Variants in NPAS3 observed in about 807,000 individuals in gnomAD.
The protein encoded by NPAS3 is neuronal PAS domain protein 3.
NPAS3 carries 14 observed loss-of-function variants against 73.1 expected under a neutral mutation model. The ratio of observed to expected loss-of-function variants is 0.19; its 90% CI spans 0.13 to 0.30. The LOEUF (loss-of-function observed/expected upper bound fraction) is 0.30. Ranked by LOEUF, NPAS3 falls within the 10% of genes least tolerant of loss-of-function variation. The probability of loss-of-function intolerance (pLI) is 1.00; values close to 1 mark genes in which losing one functional copy is unlikely to be tolerated. For synonymous variants in NPAS3, 620 were observed against 541.5 expected, an observed-to-expected ratio of 1.14 and a Z score of -2.01; for missense variants, 1,096 against 1,250.0, an observed-to-expected ratio of 0.88 and a Z score of 1.86.
intron 2 of NPAS3, among the ~76,000 whole-genome samples, chr14:33,186,818 A>G (rs544543040): frequency 2.0e-5 from 3 of 152,132 alleles, no homozygotes; most frequent in Non-Finnish European, 4.4e-5. Flanking sequence ...AGTGTTTCCC[A>G]GCTAGGGATG....
At chr14:33,041,599 C>T (rs1016783186) in intron 1 of NPAS3, among the ~76,000 whole-genome samples, 6 of 152,086 alleles carry the variant, frequency 3.9e-5, no homozygotes, top group Admixed American at 2.6e-4. Flanking sequence ...ATACTGTTAC[C>T]GAAACACTAG....
At chr14:33,459,052 G>T (rs886624881) in intron 4 of NPAS3, among the ~76,000 whole-genome samples, 2 of 152,216 alleles carry the variant, frequency 1.3e-5, no homozygotes, top group Admixed American at 1.3e-4. Flanking sequence ...GATTATTCAT[G>T]CCTTCCCTTT....
intron 4 of NPAS3, among the ~76,000 whole-genome samples, chr14:33,512,863 T>C (rs1260231594): frequency 6.6e-6 from 1 of 152,090 alleles, no homozygotes; most frequent in Non-Finnish European, 1.5e-5. Context: ...TACACTTCAG[T>C]GACTTTTATA....
At chr14:32,981,187 A>T (rs1308249623) in intron 1 of NPAS3, among the ~76,000 whole-genome samples, 1 of 152,184 alleles carries the variant, frequency 6.6e-6, no homozygotes, top group Non-Finnish European at 1.5e-5. Context: ...TCCCTCTTGG[A>T]TGTCACTATG....
At position 33,527,681 on chromosome 14, in the gene NPAS3, G is replaced by A. The variant is rs188745427; in HGVS notation, c.469-32440G>A. Reference sequence around the variant, plus strand: ...AGTATTAATAGAAAGAATGGATCCCGCAGAAATCTGCTTTCCCACTGGTTG... The same window carrying A: ...AGTATTAATAGAAAGAATGGATCCCACAGAAATCTGCTTTCCCACTGGTTG... On this transcript the variant is annotated intron_variant, in intron 4 of 11. Coordinates refer to ENST00000356141, the Ensembl canonical transcript of NPAS3. Among the ~76,000 whole-genome samples, 8 of 152,246 alleles carry A rather than the reference G, an allele frequency of 5.3e-5. No homozygotes were observed. In the East Asian group the frequency reaches 1.2e-3, roughly 22 times the overall value.
chr14:33,029,149 G>A (rs2039905893), intron 1 of NPAS3, among the ~76,000 whole-genome samples: 1 of 152,110 alleles, frequency 6.6e-6, no homozygotes. Context: ...TAGACAGAAG[G>A]GAACATAGGA....
chr14:33,252,991 T>C (rs1259687864), intron 3 of NPAS3, among the ~76,000 whole-genome samples: 1 of 152,068 alleles, frequency 6.6e-6, no homozygotes, highest in Non-Finnish European at 1.5e-5. Flanking sequence ...TTTATGGCCA[T>C]GTAGTACCAT....
chr14:33,070,696 A>G (rs888583282), intron 2 of NPAS3, among the ~76,000 whole-genome samples: 2 of 152,186 alleles, frequency 1.3e-5, no homozygotes, highest in African/African-American at 4.8e-5. Flanking sequence ...GAAAGCTGAG[A>G]TTGCATTCTT....
rs1188806833 is a variant in NPAS3 at position 33,163,307 on chromosome 14, A to G, written c.141-51875A>G. The stretch of plus-strand genomic sequence containing the variant: ...ATCCTGGCGGCCTCAGTCAGTGCTC[A>G]CAGACCTGCTTGCTGAGCTTGGCAG... On this transcript the variant is annotated intron_variant, in intron 2 of 11. Transcript: ENST00000356141. Among the ~76,000 whole-genome samples, 14 of 152,348 alleles carry G rather than the reference A, an allele frequency of 9.2e-5. No homozygotes were observed. In the East Asian group the frequency reaches 1.9e-3, roughly 21 times the overall value.
At chr14:33,344,138 C>T (rs17100717) in intron 3 of NPAS3, among the ~76,000 whole-genome samples, 27,604 of 152,010 alleles carry the variant, frequency 0.18, 2,661 homozygotes, top group African/African-American at 0.24. Flanking sequence ...GCAATGAGCA[C>T]ATTACCTGCC....
chr14:33,744,399 C>T (rs1392599237), intron 7 of NPAS3, among the ~76,000 whole-genome samples: 1 of 152,126 alleles, frequency 6.6e-6, no homozygotes, highest in African/African-American at 2.4e-5. Context: ...ATTAAGTTCA[C>T]CTCTTATTTG....
At chr14:33,423,595 AG>A (rs2048440275) in intron 4 of NPAS3, among the ~76,000 whole-genome samples, 1 of 152,036 alleles carries the variant, frequency 6.6e-6, no homozygotes, top group African/African-American at 2.4e-5. Context: ...AATATTAAAA[AG>A]GAGACAAACG....
intron 1 of NPAS3, among the ~76,000 whole-genome samples, chr14:32,972,302 A>T (rs1279215): frequency 1.3e-5 from 2 of 152,134 alleles, no homozygotes; most frequent in African/African-American, 2.4e-5. Context: ...TACAATACTC[A>T]TTAAAAGCAA....
At chr14:32,955,921 T>C (rs995507010) in intron 1 of NPAS3, among the ~76,000 whole-genome samples, 5 of 152,174 alleles carry the variant, frequency 3.3e-5, no homozygotes, top group African/African-American at 1.2e-4. Context: ...GGTTTCAAAA[T>C]TGAATTGTTT....
chr14:33,751,099 G>A (rs1189560798), intron 7 of NPAS3, among the ~76,000 whole-genome samples: 2 of 152,188 alleles, frequency 1.3e-5, no homozygotes, highest in East Asian at 3.9e-4. Flanking sequence ...ATGTAGACAA[G>A]AGTAGGAACG....
chr14:33,051,971 G>A (rs1291312444), intron 1 of NPAS3, among the ~76,000 whole-genome samples: 1 of 152,146 alleles, frequency 6.6e-6, no homozygotes, highest in Non-Finnish European at 1.5e-5. Context: ...GTGTTAGCCA[G>A]GATGATCTTG....
Position 33,153,831 on chromosome 14 carries a change from T to A in NPAS3, c.141-61351T>A, listed in dbSNP as rs142073123. 7.3e-3 allele frequency among the ~76,000 whole-genome samples: 1,118 copies of A among 152,308 alleles called. 7 individuals are homozygous for A. Among genetic ancestry groups the A allele is most frequent in the South Asian group, 0.014 (69 of 4,830 alleles). On this transcript the variant is annotated intron_variant, in intron 2 of 11. Coordinates refer to ENST00000356141, the Ensembl canonical transcript of NPAS3. ...TGGACTCTTTCTCAGCATTGCATACTGTTGGCTTGGGGTCTCTTGTTTCAT... is the reference window on the plus strand; with the variant it reads ...TGGACTCTTTCTCAGCATTGCATACAGTTGGCTTGGGGTCTCTTGTTTCAT...
intron 4 of NPAS3, among the ~76,000 whole-genome samples, chr14:33,483,604 G>A (rs748698639): frequency 6.6e-6 from 1 of 152,128 alleles, no homozygotes; most frequent in African/African-American, 2.4e-5. Context: ...AATGGTAAAC[G>A]ATGAGGGATC....
chr14:33,390,611 T>C (rs763784216), intron 4 of NPAS3, among the ~76,000 whole-genome samples: 1 of 152,110 alleles, frequency 6.6e-6, no homozygotes. Context: ...ATTTGTAGAG[T>C]GTACTGCACC....
Sources: allele counts gnomAD v4.1 joint callset (sites outside exome capture counted in the v4.1 genomes callset), GRCh38; gene constraint gnomAD v4.1.1; transcripts MANE v1.5; gene names NCBI Gene and HGNC (gene_info 2026-07-23, HGNC 2026-07-21).